PTPN13: variants seen among roughly 807,000 people sequenced by gnomAD.
PTPN13 encodes the protein protein tyrosine phosphatase non-receptor type 13, also known as tyrosine-protein phosphatase non-receptor type 13.
In PTPN13, 191 loss-of-function variants were observed where a neutral mutation model predicts 284.0. That is an observed-to-expected ratio of 0.67 (90% CI 0.60 to 0.76). The LOEUF is 0.76. PTPN13 is among the 30% of genes least tolerant of loss of function. The pLI, the probability that PTPN13 is intolerant of heterozygous loss-of-function variation, is 0.00. For synonymous variants in PTPN13, 986 were observed against 1,022.3 expected (o/e 0.96, Z 0.68); for missense variants, 2,797 against 2,939.9 (o/e 0.95, Z 1.12).
intron 7 of PTPN13, among the ~76,000 whole-genome samples, chr4:86,707,426 T>A (rs1731887452): frequency 6.6e-6 from 1 of 152,202 alleles, no homozygotes; most frequent in South Asian, 2.1e-4. Flanking sequence ...TTAGACTCTA[T>A]GTTGTGCAAC....
intron 12 of PTPN13, 79 bp downstream of exon 12, chr4:86,732,845 G>C (rs905681804): frequency 7.8e-7 from 1 of 1,274,414 alleles, no homozygotes; most frequent in African/African-American, 1.5e-5. Context: ...TACCATGCCT[G>C]ACCTCATTTT....
intron 30 of PTPN13, 32 bp from the exon 31 acceptor site, chr4:86,771,139 G>C: frequency 2.0e-6 from 3 of 1,529,018 alleles, no homozygotes; most frequent in Non-Finnish European, 2.6e-6. Context: ...TCATAGAATG[G>C]TCACAAATCT....
At chr4:86,814,000 CTTTTTTT>C (rs535405150) in intron 47 of PTPN13, among the ~76,000 whole-genome samples, 1 of 100,044 alleles carries the variant, frequency 1.0e-5, no homozygotes, top group Non-Finnish European at 2.0e-5. Flanking sequence ...TACCCTGCTT[CTTTTTTT>C]TTTTTTTTTT....
chr4:86,696,014 A>T (rs969543216), intron 6 of PTPN13, among the ~76,000 whole-genome samples: 2 of 152,028 alleles, frequency 1.3e-5, no homozygotes, highest in African/African-American at 4.8e-5. Flanking sequence ...ATCAAATGCT[A>T]ACATAATTTA....
chr4:86,756,751 C>A (rs1411390572), intron 20 of PTPN13, among the ~76,000 whole-genome samples: 1 of 152,112 alleles, frequency 6.6e-6, no homozygotes, highest in Non-Finnish European at 1.5e-5. Flanking sequence ...GACAAAATTA[C>A]TATTTGTTTT....
intron 27 of PTPN13, 151 bp from the exon 28 acceptor site, chr4:86,767,666 C>A: frequency 5.3e-6 from 3 of 561,078 alleles, no homozygotes; most frequent in Non-Finnish European, 6.1e-6. Flanking sequence ...GCTTTTGTTC[C>A]TCTATTTTTT....
chr4:86,690,551 A>G (rs1431698404), intron 5 of PTPN13, among the ~76,000 whole-genome samples: 2 of 152,076 alleles, frequency 1.3e-5, no homozygotes, highest in Non-Finnish European at 2.9e-5. Flanking sequence ...CATAAGACTA[A>G]TATTCTTTAA....
chr4:86,765,520 G>T, intron 26 of PTPN13, 32 bp downstream of exon 26: 1 of 1,403,626 alleles, frequency 7.1e-7, no homozygotes, highest in Non-Finnish European at 9.8e-7. Context: ...GGAATTATAT[G>T]TATGAATATT....
At chr4:86,787,204 C>T (rs1385774356) in intron 40 of PTPN13, among the ~76,000 whole-genome samples, 1 of 151,924 alleles carries the variant, frequency 6.6e-6, no homozygotes, top group Non-Finnish European at 1.5e-5. Flanking sequence ...TGTTTTATGG[C>T]AGAAAACTTC....
chr4:86,668,762 ATTT>A (rs776320959), intron 2 of PTPN13, among the ~76,000 whole-genome samples: 2 of 112,290 alleles, frequency 1.8e-5, no homozygotes, highest in Admixed American at 9.6e-5. Context: ...CGCCCAGCTA[ATTT>A]TTTTTTTTTT....
intron 4 of PTPN13, 54 bp downstream of exon 4, chr4:86,686,829 C>A: frequency 8.2e-7 from 1 of 1,217,644 alleles, no homozygotes; most frequent in Non-Finnish European, 1.2e-6. Context: ...AATTTTACAC[C>A]TTATATCATA....
intron 1 of PTPN13, among the ~76,000 whole-genome samples, chr4:86,616,982 G>A (rs1720620941): frequency 6.6e-6 from 1 of 151,932 alleles, no homozygotes; most frequent in South Asian, 2.1e-4. Context: ...GATAGTTTGA[G>A]GAAAAAATCT....
intron 41 of PTPN13, among the ~76,000 whole-genome samples, chr4:86,797,862 A>G (rs1743524941): frequency 6.6e-6 from 1 of 152,094 alleles, no homozygotes; most frequent in Admixed American, 6.5e-5. Flanking sequence ...ACAAAAATAT[A>G]TATGAGGGAA....
At chr4:86,714,837 C>G (rs1394227710) in intron 7 of PTPN13, among the ~76,000 whole-genome samples, 2 of 152,112 alleles carry the variant, frequency 1.3e-5, no homozygotes, top group Non-Finnish European at 2.9e-5. Context: ...CATTCTTTTT[C>G]TCAGAGAACT....
chr4:86,772,980 T>TAA, intron 32 of PTPN13, 22 bp downstream of exon 32: 1 of 1,445,790 alleles, frequency 6.9e-7, no homozygotes, highest in Non-Finnish European at 9.3e-7. Flanking sequence ...TCTCTATATT[T>TAA]AAAAAAAAAT....
At chr4:86,616,548 G>T (rs116007164) in intron 1 of PTPN13, among the ~76,000 whole-genome samples, 2 of 151,902 alleles carry the variant, frequency 1.3e-5, no homozygotes, top group African/African-American at 4.8e-5. Flanking sequence ...GGGGCCATGG[G>T]GGGTGGGTGG....
chr4:86,644,606 A>C (rs1342010568), intron 2 of PTPN13, among the ~76,000 whole-genome samples: 1 of 152,208 alleles, frequency 6.6e-6, no homozygotes, highest in Admixed American at 6.5e-5. Context: ...CATTCATTCT[A>C]TGAGGGCAGC....
intron 1 of PTPN13, among the ~76,000 whole-genome samples, chr4:86,616,897 G>A (rs988162975): frequency 6.6e-6 from 1 of 152,128 alleles, no homozygotes; most frequent in Admixed American, 6.5e-5. Flanking sequence ...CAAATGCAAG[G>A]GCTTAATTAA....
rs748716956 is a variant in PTPN13, at chr4:86,749,310, T to TTCA, written c.2651-1132_2651-1130dup. ...CTCCTCCTCCTCCTTTTTCTTCATCTTCATCATCATCATCATCATCATCAT... is the reference window on the plus strand; with the variant it reads ...CTCCTCCTCCTCCTTTTTCTTCATCTTCATCATCATCATCATCATCATCATCAT... On this transcript the variant is annotated intron_variant, in intron 17 of 47. Transcript: ENST00000411767. Among the ~76,000 whole-genome samples the TTCA allele has an allele frequency of 7.8e-3, 1,181 of 151,238 alleles. 13 individuals carry two copies. The highest frequency in any genetic ancestry group is 0.025 in the African/African-American group (1,038 of 41,168).
Sources: allele counts gnomAD v4.1 joint callset (sites outside exome capture counted in the v4.1 genomes callset), GRCh38; gene constraint gnomAD v4.1.1; transcripts MANE v1.5; gene names NCBI Gene and HGNC (gene_info 2026-07-23, HGNC 2026-07-21).